The following TNFAIP8 variants were observed in gnomAD, a reference collection of about 807,000 sequenced individuals.
TNFAIP8 encodes the protein tumor necrosis factor alpha-induced protein 8.
In TNFAIP8, 7 loss-of-function variants were observed where a neutral mutation model predicts 13.3. The observed-to-expected ratio is 0.52, with a 90% CI of 0.30 to 0.99. The LOEUF is 0.99. Among genes scored for constraint, TNFAIP8 ranks in the 50% least tolerant of loss-of-function variants. The probability of loss-of-function intolerance (pLI) is 0.07; values close to 1 mark genes in which losing one functional copy is unlikely to be tolerated. For synonymous variants in TNFAIP8, 94 were observed against 87.6 expected (o/e 1.07, Z -0.41); for missense variants, 258 against 236.9 (o/e 1.09, Z -0.58).
chr5:119,301,730 G>A (rs1305246455), intron 1 of TNFAIP8, among the ~76,000 whole-genome samples: 2 of 152,096 alleles, frequency 1.3e-5, no homozygotes, highest in East Asian at 1.9e-4. Flanking sequence ...TCATCTTTAT[G>A]TGAAAAAAAC....
chr5:119,309,525 T>C (rs1749668197), intron 1 of TNFAIP8, among the ~76,000 whole-genome samples: 1 of 152,116 alleles, frequency 6.6e-6, no homozygotes, highest in South Asian at 2.1e-4. Flanking sequence ...TCAACAGTTG[T>C]TTAAATAAGA....
intron 1 of TNFAIP8, among the ~76,000 whole-genome samples, chr5:119,304,619 A>T (rs1391627729): frequency 6.6e-6 from 1 of 152,224 alleles, no homozygotes; most frequent in African/African-American, 2.4e-5. Flanking sequence ...CTGGTTGGGA[A>T]TGTTGTGCAA....
intron 1 of TNFAIP8, among the ~76,000 whole-genome samples, chr5:119,330,734 T>C (rs1750351599): frequency 6.6e-6 from 1 of 151,952 alleles, no homozygotes; most frequent in Non-Finnish European, 1.5e-5. Flanking sequence ...AAGGGAAGGA[T>C]CTCATTTTCT....
chr5:119,376,909 C>A (rs1752303609), intron 1 of TNFAIP8, among the ~76,000 whole-genome samples: 2 of 152,134 alleles, frequency 1.3e-5, no homozygotes, highest in South Asian at 4.1e-4. Flanking sequence ...AAGGCCTTCC[C>A]CAAGTACATC....
intron 1 of TNFAIP8, among the ~76,000 whole-genome samples, chr5:119,346,257 G>A (rs1750897344): frequency 6.6e-6 from 1 of 152,190 alleles, no homozygotes; most frequent in South Asian, 2.1e-4. Context: ...GGAAGCTGCT[G>A]GAGGCTGGGA....
intron 1 of TNFAIP8, among the ~76,000 whole-genome samples, chr5:119,280,977 GT>G (rs1432038015): frequency 6.6e-6 from 1 of 151,904 alleles, no homozygotes; most frequent in African/African-American, 2.4e-5. Flanking sequence ...TGAAATTTTA[GT>G]TTTTACTGAG....
At chr5:119,323,110 A>G (rs927847832) in intron 1 of TNFAIP8, among the ~76,000 whole-genome samples, 8 of 152,146 alleles carry the variant, frequency 5.3e-5, no homozygotes, top group African/African-American at 1.9e-4. Context: ...ACTGCCACCA[A>G]CTAAGACCAA....
chr5:119,280,425 G>A (rs1348874682), intron 1 of TNFAIP8, among the ~76,000 whole-genome samples: 3 of 150,950 alleles, frequency 2.0e-5, no homozygotes, highest in Non-Finnish European at 4.4e-5. Context: ...TTTGTTGCAG[G>A]ACCTGGGCTG....
At chr5:119,367,419 A>C (rs2112803870) in intron 1 of TNFAIP8, among the ~76,000 whole-genome samples, 1 of 152,348 alleles carries the variant, frequency 6.6e-6, no homozygotes, top group African/African-American at 2.4e-5. Flanking sequence ...GAACTGTTAT[A>C]TTTGGTAGTG....
chr5:119,368,646 C>T (rs899164776), intron 1 of TNFAIP8, among the ~76,000 whole-genome samples: 3 of 152,070 alleles, frequency 2.0e-5, no homozygotes, highest in African/African-American at 7.2e-5. Context: ...AGAAACTGTG[C>T]CAGGGAAAGA....
intron 1 of TNFAIP8, among the ~76,000 whole-genome samples, chr5:119,292,709 A>G (rs1330629515): frequency 8.0e-6 from 1 of 124,824 alleles, no homozygotes; most frequent in African/African-American, 2.7e-5. Flanking sequence ...ATGAAATACT[A>G]TTTAGCAATA....
intron 1 of TNFAIP8, among the ~76,000 whole-genome samples, chr5:119,349,494 T>A (rs181014418): frequency 1.7e-4 from 26 of 152,352 alleles, no homozygotes; most frequent in Admixed American, 1.6e-3. Context: ...AAACCCATCT[T>A]AATGCAAATG....
intron 1 of TNFAIP8, among the ~76,000 whole-genome samples, chr5:119,298,615 G>A (rs1749257060): frequency 6.6e-6 from 1 of 151,946 alleles, no homozygotes; most frequent in Non-Finnish European, 1.5e-5. Flanking sequence ...GAGTATCTTT[G>A]TGGCATTCTC....
Position 119,276,041 on chromosome 5 carries a change from G to C in TNFAIP8, c.1+7134G>C, listed in dbSNP as rs775041777. On this transcript the variant is annotated intron_variant, in intron 1 of 1. Transcript: ENST00000274456. ...GCGGAGACAGGTGGCAGGGGCAGAG[G>C]ATTAACCACCCAAGCCCAACAAGCA... Among the ~76,000 whole-genome samples the C allele has an allele frequency of 1.2e-4, 19 of 152,166 alleles. No individual in the cohort carries two copies. In the South Asian group the frequency reaches 2.5e-3, roughly 20 times the overall value.
At chr5:119,350,952 TTGTGTGTG>T (rs35633858) in intron 1 of TNFAIP8, among the ~76,000 whole-genome samples, 2 of 144,686 alleles carry the variant, frequency 1.4e-5, no homozygotes, top group South Asian at 2.2e-4. Context: ...CTATGTGTAT[TTGTGTGTG>T]TGTGTGTGTG....
intron 1 of TNFAIP8, among the ~76,000 whole-genome samples, chr5:119,271,646 C>T (rs913031999): frequency 2.6e-5 from 4 of 152,150 alleles, no homozygotes; most frequent in Admixed American, 1.3e-4. Flanking sequence ...GTGCCAGGGG[C>T]ATTGACTTTG....
intron 1 of TNFAIP8, among the ~76,000 whole-genome samples, chr5:119,272,405 T>C (rs995933221): frequency 6.6e-5 from 10 of 152,168 alleles, no homozygotes; most frequent in African/African-American, 2.4e-4. Flanking sequence ...AAGATGTCTG[T>C]TGATAAGAAG....
chr5:119,299,012 A>AT (rs1364606020), intron 1 of TNFAIP8, among the ~76,000 whole-genome samples: 1 of 151,820 alleles, frequency 6.6e-6, no homozygotes, highest in Non-Finnish European at 1.5e-5. Context: ...ATTCTTCTAA[A>AT]TTTTTTTCAA....
At chr5:119,335,684 A>G (rs993420915) in intron 1 of TNFAIP8, among the ~76,000 whole-genome samples, 4 of 152,232 alleles carry the variant, frequency 2.6e-5, no homozygotes, top group African/African-American at 9.6e-5. Context: ...TTCTTGAATT[A>G]TGTCCCAGGC....
Sources: gnomAD v4.1 joint callset for allele counts (sites outside exome capture counted in the v4.1 genomes callset) on GRCh38, gnomAD v4.1.1 for gene constraint, MANE v1.5 for transcripts, NCBI Gene and HGNC (gene_info 2026-07-23, HGNC 2026-07-21) for gene names.